RBM45: variants seen among roughly 807,000 people sequenced by gnomAD.
The protein encoded by RBM45 is RNA binding motif protein 45.
Under a neutral mutation model 58.5 loss-of-function variants are expected in RBM45, and 39 were observed. The ratio of observed to expected loss-of-function variants is 0.67; its 90% CI spans 0.52 to 0.87. RBM45 has a LOEUF of 0.87. Ranked by LOEUF, RBM45 falls within the 40% of genes least tolerant of loss-of-function variation. The pLI is 0.00. For synonymous variants in RBM45, 193 were observed against 203.0 expected, an observed-to-expected ratio of 0.95 and a Z score of 0.42; for missense variants, 481 against 581.6, an observed-to-expected ratio of 0.83 and a Z score of 1.78.
At chr2:178,135,340 G>C (rs1364225502) in intron 3 of RBM45, among the ~76,000 whole-genome samples, 1 of 152,194 alleles carries the variant, frequency 6.6e-6, no homozygotes, top group Non-Finnish European at 1.5e-5. Context: ...CCTACCTTTG[G>C]TTTATCATCA....
In RBM45 at chr2:178,126,198, A is replaced by G. The variant is rs2087927369; in HGVS notation, c.*8+14A>G. ...CTGATTCTTGAGGTAAGCCCTTTTT[A>G]ATCTGAATTTTAAAACATATTGAGT... On this transcript the variant is annotated intron_variant, in intron 9 of 9. Coordinates refer to ENST00000286070, the MANE Select transcript of RBM45 (RefSeq NM_152945.4). The G allele has an allele frequency of 1.9e-6, 3 of 1,573,200 alleles. No homozygotes were observed. The highest frequency in any genetic ancestry group is 2.6e-6 in the Non-Finnish European group (3 of 1,149,594).
chr2:178,116,162 T>TA (rs1286231884), intron 1 of RBM45, 100 bp from the exon 2 acceptor site: 70 of 1,421,892 alleles, frequency 4.9e-5, no homozygotes, highest in Admixed American at 7.5e-5. Context: ...TCTCAAAGAT[T>TA]AAAAAAAAGT....
downstream of RBM45, among the ~76,000 whole-genome samples, chr2:178,134,237 G>A (rs1236531922): frequency 6.6e-6 from 1 of 152,176 alleles, no homozygotes; most frequent in Non-Finnish European, 1.5e-5. Context: ...AGTGGCAGAA[G>A]GAAGGCATCG....
intron 5 of RBM45, among the ~76,000 whole-genome samples, chr2:178,122,609 C>T (rs1337251949): frequency 6.6e-6 from 1 of 151,904 alleles, no homozygotes. Context: ...TTGTTCCCTC[C>T]CTTTTATCTG....
chr2:178,117,999 A>G (rs898402029), intron 2 of RBM45, 56 bp from the exon 3 acceptor site: 9 of 1,431,128 alleles, frequency 6.3e-6, no homozygotes, highest in African/African-American at 2.8e-5. Flanking sequence ...TAGTTCTGAA[A>G]TACTCTGTTC....
rs1190201990 is a variant in RBM45, at chr2:178,126,070, A to G, written c.1319A>G (p.Asp440Gly). The change falls in exon 9 of 10, where the codon GAT becomes GGT. Residue 440 changes from aspartate to glycine, a missense_variant. Transcript: ENST00000286070. The stretch of plus-strand genomic sequence containing the variant: ...TATGCCGATAGAATAAGTGCTAATG[A>G]TGCCATTGCCACTCTACATGGAAAG... The part of the protein sequence containing the change: ...AKYADRISAN[D>G]AIATLHGKIL... 6.2e-7 allele frequency: 1 copy of G among 1,613,194 alleles called. No homozygotes were observed. Among genetic ancestry groups the G allele is most frequent in the Non-Finnish European group, 8.5e-7 (1 of 1,179,128 alleles).
At chr2:178,138,177 C>T (rs1379750323) in exon 4 of RBM45, 1 of 152,036 alleles carries the variant, frequency 6.6e-6, no homozygotes, top group East Asian at 1.9e-4. Flanking sequence ...GAGGGAAGTT[C>T]CCCCACTTTT....
chr2:178,123,264 G>A (rs904049523), intron 5 of RBM45, among the ~76,000 whole-genome samples: 3 of 152,116 alleles, frequency 2.0e-5, no homozygotes, highest in African/African-American at 7.2e-5. Flanking sequence ...AAACTTATTA[G>A]ACAGGACGTA....
chr2:178,123,030 C>A (rs2087876385), intron 5 of RBM45, among the ~76,000 whole-genome samples: 1 of 152,168 alleles, frequency 6.6e-6, no homozygotes, highest in Non-Finnish European at 1.5e-5. Context: ...ATCTGAGATC[C>A]TCTGTTCCCT....
downstream of RBM45, among the ~76,000 whole-genome samples, chr2:178,134,335 G>T (rs149854990): frequency 1.8e-4 from 27 of 152,288 alleles, no homozygotes; most frequent in East Asian, 1.9e-3. Flanking sequence ...GTTTTCTACA[G>T]AAACTGGGGG....
intron 8 of RBM45, 158 bp from the exon 9 acceptor site, chr2:178,125,826 G>C: frequency 1.4e-6 from 1 of 714,530 alleles, no homozygotes; most frequent in South Asian, 1.5e-5. Context: ...ATCTGAATGA[G>C]AATGAATAGA....
intron 3 of RBM45, among the ~76,000 whole-genome samples, chr2:178,118,578 A>T (rs2087808417): frequency 6.6e-6 from 1 of 152,156 alleles, no homozygotes; most frequent in Non-Finnish European, 1.5e-5. Flanking sequence ...ATAACTAATA[A>T]ACCTATAGGT....
In RBM45 at chr2:178,112,509, C is replaced by G; in HGVS notation, c.-38C>G. 6.3e-7 allele frequency: 1 copy of G among 1,578,056 alleles called. No homozygotes were observed. Among genetic ancestry groups the G allele is most frequent in the Non-Finnish European group, 8.6e-7 (1 of 1,156,270 alleles). On this transcript the variant is annotated 5_prime_UTR_variant, in exon 1 of 10. Transcript: ENST00000286070. ...GCAGCGGTGGCAGACACCGCAGAAG[C>G]AAAGAGCAGTGAGGCTCCTGCATTC...
At chr2:178,132,835 A>C (rs1165118742), downstream of RBM45, among the ~76,000 whole-genome samples, 1 of 152,104 alleles carries the variant, frequency 6.6e-6, no homozygotes, top group Non-Finnish European at 1.5e-5. Flanking sequence ...TGACCTGCCC[A>C]CCTCGGCCTC....
intron 3 of RBM45, 65 bp downstream of exon 3, chr2:178,118,246 A>G (rs1194913387): frequency 2.1e-6 from 3 of 1,454,114 alleles, no homozygotes; most frequent in Non-Finnish European, 2.8e-6. Flanking sequence ...AAATAGCTGA[A>G]TTTAATATTA....
At chr2:178,134,826 T>C (rs2088032360) in intron 3 of RBM45, among the ~76,000 whole-genome samples, 1 of 152,048 alleles carries the variant, frequency 6.6e-6, no homozygotes, top group Non-Finnish European at 1.5e-5. Flanking sequence ...TCCCTGTCTC[T>C]ACTACAAAAA....
At chr2:178,133,484 A>G (rs949031050), downstream of RBM45, among the ~76,000 whole-genome samples, 1 of 152,252 alleles carries the variant, frequency 6.6e-6, no homozygotes, top group African/African-American at 2.4e-5. Context: ...TCAAAAGGGT[A>G]CAGAAATACC....
At chr2:178,116,206 A>G in intron 1 of RBM45, 56 bp from the exon 2 acceptor site, 1 of 1,519,916 alleles carries the variant, frequency 6.6e-7, no homozygotes, top group Non-Finnish European at 8.8e-7. Context: ...AAAAAATTTA[A>G]GAAATGGGAA....
At chr2:178,121,915 C>T (rs2087858359) in intron 5 of RBM45, among the ~76,000 whole-genome samples, 1 of 152,178 alleles carries the variant, frequency 6.6e-6, no homozygotes. Flanking sequence ...TGATTAAACC[C>T]ATTATCTAAC....
Sources: allele counts gnomAD v4.1 joint callset (sites outside exome capture counted in the v4.1 genomes callset), GRCh38; gene constraint gnomAD v4.1.1; transcripts MANE v1.5; gene names NCBI Gene and HGNC (gene_info 2026-07-23, HGNC 2026-07-21).